The following WWOX variants were observed in gnomAD, a reference collection of about 807,000 sequenced individuals.
WWOX encodes the protein WW domain containing oxidoreductase, also known as WW domain-containing oxidoreductase.
A neutral mutation model predicts 46.2 loss-of-function variants in WWOX; 69 were observed. That is an observed-to-expected ratio of 1.49 (90% CI 1.23 to 1.82). The LOEUF (loss-of-function observed/expected upper bound fraction) is 1.82, where lower values mean the gene tolerates loss of function less well. WWOX is among the 40% of genes most tolerant of loss of function. The probability of loss-of-function intolerance (pLI) is 0.00; values close to 1 mark genes in which losing one functional copy is unlikely to be tolerated. For missense variants in WWOX, 919 were observed against 542.6 expected (o/e 1.69, Z -6.89); for synonymous variants, 359 against 202.6 (o/e 1.77, Z -6.56).
At chr16:78,409,203 A>T (rs1222888538) in intron 6 of WWOX, among the ~76,000 whole-genome samples, 1 of 152,144 alleles carries the variant, frequency 6.6e-6, no homozygotes, top group Admixed American at 6.5e-5. Context: ...GTTTAAAAAA[A>T]ATTTTTTTTT....
intron 8 of WWOX, among the ~76,000 whole-genome samples, chr16:79,009,787 A>C (rs535836065): frequency 7.2e-5 from 11 of 152,276 alleles, no homozygotes; most frequent in African/African-American, 2.4e-4. Flanking sequence ...GGAATGGTGC[A>C]ACCATGGTAC....
At chr16:78,628,050 A>T (rs572326964) in intron 8 of WWOX, among the ~76,000 whole-genome samples, 11 of 152,344 alleles carry the variant, frequency 7.2e-5, no homozygotes, top group African/African-American at 9.6e-5. Flanking sequence ...AAGGAAAGAT[A>T]CAGGGTGTGT....
chr16:78,541,458 A>T (rs1330561919), intron 8 of WWOX, among the ~76,000 whole-genome samples: 3 of 131,420 alleles, frequency 2.3e-5, no homozygotes, highest in Admixed American at 8.1e-5. Context: ...TGGGCGACAG[A>T]GCGAGACTCC....
intron 8 of WWOX, among the ~76,000 whole-genome samples, chr16:78,543,651 C>A (rs745728942): frequency 6.6e-6 from 1 of 152,108 alleles, no homozygotes; most frequent in African/African-American, 2.4e-5. Flanking sequence ...AATATTAAAC[C>A]CTCAGTTGTA....
At chr16:79,191,583 A>G (rs956218098) in intron 8 of WWOX, among the ~76,000 whole-genome samples, 4 of 152,206 alleles carry the variant, frequency 2.6e-5, no homozygotes, top group Non-Finnish European at 4.4e-5. Context: ...GTTTTTCTCA[A>G]TTACTGATGA....
At chr16:78,911,979 G>A (rs2045123777) in intron 8 of WWOX, among the ~76,000 whole-genome samples, 1 of 152,022 alleles carries the variant, frequency 6.6e-6, no homozygotes, top group African/African-American at 2.4e-5. Context: ...CAGGCAGACT[G>A]GTCTGTGAAC....
intron 8 of WWOX, among the ~76,000 whole-genome samples, chr16:79,017,984 A>G (rs1054066790): frequency 2.0e-5 from 3 of 152,246 alleles, no homozygotes; most frequent in Non-Finnish European, 2.9e-5. Context: ...ACACCACAGT[A>G]TCCAAAAAGG....
intron 8 of WWOX, among the ~76,000 whole-genome samples, chr16:78,479,733 A>G (rs529916378): frequency 6.6e-6 from 1 of 152,350 alleles, no homozygotes; most frequent in South Asian, 2.1e-4. Context: ...ATATAGTGAC[A>G]GCCTCTGGCC....
At chr16:78,730,617 A>ATTTTTTTTTTTT (rs536906826) in intron 8 of WWOX, among the ~76,000 whole-genome samples, 22 of 123,050 alleles carry the variant, frequency 1.8e-4, no homozygotes, top group African/African-American at 6.2e-4. Context: ...ACGCCCGGCA[A>ATTTTTTTTTTTT]TTTTTTTTTT....
intron 8 of WWOX, among the ~76,000 whole-genome samples, chr16:78,757,956 G>T (rs896495789): frequency 6.6e-6 from 1 of 152,128 alleles, no homozygotes; most frequent in East Asian, 1.9e-4. Context: ...AGTTTGGGGG[G>T]ACACATTGAT....
chr16:78,569,675 CAGTG>C (rs1047249807), intron 8 of WWOX, among the ~76,000 whole-genome samples: 38 of 152,308 alleles, frequency 2.5e-4, no homozygotes, highest in Admixed American at 1.5e-3. Flanking sequence ...ATTAAACTCT[CAGTG>C]AGCAGGAAAA....
intron 8 of WWOX, among the ~76,000 whole-genome samples, chr16:78,450,411 G>C (rs769541665): frequency 6.6e-6 from 1 of 152,144 alleles, no homozygotes; most frequent in Non-Finnish European, 1.5e-5. Context: ...AATCTTTTCT[G>C]ACTGCTCAAA....
chr16:79,124,711 A>T (rs887451502), intron 8 of WWOX, among the ~76,000 whole-genome samples: 7 of 152,188 alleles, frequency 4.6e-5, no homozygotes, highest in African/African-American at 1.7e-4. Context: ...AGTGGAGCAA[A>T]ACAGATGTGA....
At chr16:78,125,487 G>C (rs569360809) in intron 4 of WWOX, among the ~76,000 whole-genome samples, 1 of 152,112 alleles carries the variant, frequency 6.6e-6, no homozygotes, top group Non-Finnish European at 1.5e-5. Context: ...CTCTGTGCCC[G>C]GTCAAGTGCT....
At chr16:78,619,621 T>C in intron 8 of WWOX, among the ~76,000 whole-genome samples, 1 of 151,926 alleles carries the variant, frequency 6.6e-6, no homozygotes, top group East Asian at 1.9e-4. Flanking sequence ...AAGAACCATG[T>C]GAATTGGGCG....
chr16:79,027,993 C>G (rs1000260278), intron 8 of WWOX, among the ~76,000 whole-genome samples: 2 of 151,772 alleles, frequency 1.3e-5, no homozygotes, highest in African/African-American at 2.4e-5. Flanking sequence ...GCTCTGTCGC[C>G]TAGGCTGGAG....
chr16:78,449,761 C>A (rs189997246), intron 8 of WWOX, among the ~76,000 whole-genome samples: 3 of 152,140 alleles, frequency 2.0e-5, no homozygotes, highest in African/African-American at 4.8e-5. Flanking sequence ...ATAATGTATC[C>A]TAAAGTCAAG....
intron 8 of WWOX, among the ~76,000 whole-genome samples, chr16:78,859,188 G>C (rs536148135): frequency 6.6e-6 from 1 of 151,050 alleles, no homozygotes; most frequent in Non-Finnish European, 1.5e-5. Flanking sequence ...CAGAGAAGCA[G>C]GATGAAGGGG....
intron 3 of WWOX, among the ~76,000 whole-genome samples, chr16:78,112,288 T>C (rs563657418): frequency 1.3e-5 from 2 of 152,314 alleles, no homozygotes; most frequent in Admixed American, 6.5e-5. Context: ...TAGCTGCTTG[T>C]CTTTGAGGCT....
Sources: allele counts gnomAD v4.1 joint callset (sites outside exome capture counted in the v4.1 genomes callset), GRCh38; gene constraint gnomAD v4.1.1; transcripts MANE v1.5; gene names NCBI Gene and HGNC (gene_info 2026-07-23, HGNC 2026-07-21).